Variants in ATP10B observed in about 807,000 individuals in gnomAD.
ATP10B encodes phospholipid-transporting ATPase VB.
In ATP10B, 122 loss-of-function variants were observed where a neutral mutation model predicts 141.2. That is an observed-to-expected ratio of 0.86 (90% CI 0.75 to 1.00). ATP10B has a LOEUF of 1.00. Ranked by LOEUF, ATP10B falls within the 50% of genes least tolerant of loss-of-function variation. The probability of loss-of-function intolerance (pLI) is 0.00; values close to 1 mark genes in which losing one functional copy is unlikely to be tolerated. For missense variants in ATP10B, 1,876 were observed against 1,825.3 expected (o/e 1.03, Z -0.51); for synonymous variants, 685 against 692.0 (o/e 0.99, Z 0.16).
At chr5:160,795,511 G>A (rs1349679858) in intron 1 of ATP10B, among the ~76,000 whole-genome samples, 2 of 152,070 alleles carry the variant, frequency 1.3e-5, no homozygotes, top group African/African-American at 4.8e-5. Flanking sequence ...ACAATGAATA[G>A]GGGTGAGAAT....
chr5:160,741,586 C>G (rs983859322), intron 2 of ATP10B, among the ~76,000 whole-genome samples: 12 of 152,146 alleles, frequency 7.9e-5, no homozygotes, highest in African/African-American at 2.9e-4. Flanking sequence ...CAATGGCATG[C>G]AAAGAATGAG....
At chr5:160,868,747 T>C in the ATP10B span, among the ~76,000 whole-genome samples, 1 of 152,104 alleles carries the variant, frequency 6.6e-6, no homozygotes, top group South Asian at 2.1e-4. Context: ...AATTACACAT[T>C]AGACATGACT....
the ATP10B span, among the ~76,000 whole-genome samples, chr5:160,895,277 G>A: frequency 0.56 from 85,027 of 151,878 alleles, 25,255 homozygotes; most frequent in Non-Finnish European, 0.66. Flanking sequence ...TAAAGAGTGA[G>A]GAACCATCAG....
At chr5:160,742,748 A>T (rs1299323525) in intron 2 of ATP10B, among the ~76,000 whole-genome samples, 1 of 152,136 alleles carries the variant, frequency 6.6e-6, no homozygotes, top group Admixed American at 6.5e-5. Context: ...TGTTTAGGGA[A>T]TTTGGGGGGA....
the ATP10B span, among the ~76,000 whole-genome samples, chr5:160,885,691 C>G: frequency 6.6e-6 from 1 of 152,206 alleles, no homozygotes; most frequent in African/African-American, 2.4e-5. Context: ...ACACTGAAAG[C>G]TCTTCTAGGG....
At chr5:160,871,747 AGT>A in the ATP10B span, among the ~76,000 whole-genome samples, 1 of 152,308 alleles carries the variant, frequency 6.6e-6, no homozygotes, top group East Asian at 1.9e-4. Flanking sequence ...TATACATCAC[AGT>A]GTCTTTATTC....
chr5:160,900,222 T>C, the ATP10B span, among the ~76,000 whole-genome samples: 1 of 152,156 alleles, frequency 6.6e-6, no homozygotes, highest in Non-Finnish European at 1.5e-5. Flanking sequence ...ACCCCTTTGA[T>C]CTTTTCTTTT....
At chr5:160,807,396 G>A (rs969977640) in intron 1 of ATP10B, among the ~76,000 whole-genome samples, 10 of 152,180 alleles carry the variant, frequency 6.6e-5, no homozygotes, top group Admixed American at 3.3e-4. Context: ...AGCTGAGAAA[G>A]AGAATGGGCT....
intron 2 of ATP10B, among the ~76,000 whole-genome samples, chr5:160,769,469 C>G (rs978020491): frequency 5.9e-5 from 9 of 152,180 alleles, no homozygotes; most frequent in African/African-American, 2.2e-4. Context: ...GCCACATAGG[C>G]TGGGCGCCTT....
intron 1 of ATP10B, among the ~76,000 whole-genome samples, chr5:160,807,974 T>C (rs116936600): frequency 6.6e-6 from 1 of 152,224 alleles, no homozygotes; most frequent in East Asian, 1.9e-4. Context: ...GTCTTTTACT[T>C]GAGATGCTTC....
intron 6 of ATP10B, chr5:160,684,978 C>T (rs937533405): frequency 1.7e-5 from 12 of 703,168 alleles, no homozygotes; most frequent in Non-Finnish European, 3.1e-5. Flanking sequence ...AAGCATTGAC[C>T]ACAGGGATAA....
At chr5:160,748,632 A>C (rs1036242606) in intron 2 of ATP10B, among the ~76,000 whole-genome samples, 2 of 152,216 alleles carry the variant, frequency 1.3e-5, no homozygotes, top group African/African-American at 4.8e-5. Context: ...TCCAGATGCC[A>C]GCTGAAGTGA....
At chr5:160,657,320 T>C (rs547904406) in intron 7 of ATP10B, among the ~76,000 whole-genome samples, 116 of 152,336 alleles carry the variant, frequency 7.6e-4, no homozygotes, top group African/African-American at 2.7e-3. Context: ...TGAAAACTAA[T>C]GACAGTTACC....
the ATP10B span, among the ~76,000 whole-genome samples, chr5:160,888,614 GA>G: frequency 5.3e-5 from 8 of 152,196 alleles, no homozygotes; most frequent in Non-Finnish European, 1.0e-4. Flanking sequence ...GGAGGAGGCA[GA>G]GGCAAGCAGC....
rs561252288 is a variant in ATP10B at position 160,619,445 on chromosome 5, C to T, written c.2416+902G>A. ...TGCTGAGGGATAGAGTGCCGTGGCT[C>T]CCTTGACTCAGAAGTACTGAATTCA... On this transcript the variant is annotated intron_variant, in intron 15 of 25. Coordinates refer to ENST00000327245, the MANE Select transcript of ATP10B (RefSeq NM_025153.3). 5.3e-5 allele frequency among the ~76,000 whole-genome samples: 8 copies of T among 152,242 alleles called. No individual in the cohort carries two copies. In the South Asian group the frequency reaches 1.7e-3, roughly 32 times the overall value.
chr5:160,622,078 G>A (rs1023952624), intron 14 of ATP10B, among the ~76,000 whole-genome samples: 3 of 152,204 alleles, frequency 2.0e-5, no homozygotes, highest in Non-Finnish European at 4.4e-5. Context: ...TACAGGTAAA[G>A]TGCTGGGTAT....
At chr5:160,806,470 C>G (rs1772778473) in intron 1 of ATP10B, among the ~76,000 whole-genome samples, 1 of 152,172 alleles carries the variant, frequency 6.6e-6, no homozygotes, top group African/African-American at 2.4e-5. Flanking sequence ...CCCCCAGAAC[C>G]TAGGGAATAA....
chr5:160,594,790 G>A (rs1254027056), intron 22 of ATP10B, among the ~76,000 whole-genome samples: 1 of 152,050 alleles, frequency 6.6e-6, no homozygotes, highest in African/African-American at 2.4e-5. Context: ...AAGAGACAAA[G>A]AAGGCCATTA....
intron 2 of ATP10B, among the ~76,000 whole-genome samples, chr5:160,760,513 T>G (rs1378413231): frequency 1.3e-5 from 2 of 152,230 alleles, no homozygotes; most frequent in Non-Finnish European, 2.9e-5. Context: ...TTTTGGCAGC[T>G]GAATTAGGAT....
Sources: allele counts gnomAD v4.1 joint callset (sites outside exome capture counted in the v4.1 genomes callset), GRCh38; gene constraint gnomAD v4.1.1; transcripts MANE v1.5; gene names NCBI Gene and HGNC (gene_info 2026-07-23, HGNC 2026-07-21).